ZBTB16: variants seen among roughly 807,000 people sequenced by gnomAD.
The protein encoded by ZBTB16 is zinc finger and BTB domain containing 16, also known as zinc finger and BTB domain-containing protein 16.
ZBTB16 carries 8 observed loss-of-function variants against 56.8 expected under a neutral mutation model. The ratio of observed to expected loss-of-function variants is 0.14; its 90% confidence interval spans 0.08 to 0.25. ZBTB16 has a LOEUF of 0.25. Ranked by LOEUF, ZBTB16 falls within the 10% of genes least tolerant of loss-of-function variation. The pLI is 1.00. For missense variants in ZBTB16, 625 were observed against 903.0 expected (o/e 0.69, Z 3.95); for synonymous variants, 363 against 368.5 (o/e 0.98, Z 0.17).
chr11:114,233,109 ACACACACACACACACACTCTCTCT>A (rs770746520), intron 4 of ZBTB16, among the ~76,000 whole-genome samples: 999 of 43,890 alleles, frequency 0.023, 33 homozygotes, highest in East Asian at 0.2. Context: ...ACACACACAC[ACACACACACACACACACTCTCTCT>A]CTCTCACACT....
intron 2 of ZBTB16, among the ~76,000 whole-genome samples, chr11:114,142,137 A>G (rs59140162): frequency 0.071 from 10,746 of 152,274 alleles, 1,219 homozygotes; most frequent in African/African-American, 0.24. Flanking sequence ...TCTTTGTGGC[A>G]GATGCTCATT....
At chr11:114,228,996 G>A (rs898326627) in intron 4 of ZBTB16, among the ~76,000 whole-genome samples, 10 of 152,168 alleles carry the variant, frequency 6.6e-5, no homozygotes, top group African/African-American at 2.4e-4. Flanking sequence ...GAGTCGGGGA[G>A]CCCTGCAGAG....
intron 2 of ZBTB16, among the ~76,000 whole-genome samples, chr11:114,095,896 T>C (rs1433120468): frequency 6.6e-6 from 1 of 152,160 alleles, no homozygotes; most frequent in Non-Finnish European, 1.5e-5. Flanking sequence ...CAGGGTCCCC[T>C]AGCTTTTTAA....
chr11:114,179,010 G>A (rs1463351080), intron 3 of ZBTB16, among the ~76,000 whole-genome samples: 1 of 152,224 alleles, frequency 6.6e-6, no homozygotes, highest in African/African-American at 2.4e-5. Context: ...ATATTTATGT[G>A]GGGTCCTGTA....
chr11:114,143,066 G>A lies in ZBTB16; in HGVS notation c.1269-13271G>A, dbSNP rs1941998622. ...CCAGCGTTGGTTTCTCTGCTGCCTT[G>A]GTGAGCGTGGGCTTGCTCCCACCTA... On this transcript the variant is annotated intron_variant, in intron 2 of 6. Transcript: ENST00000335953. The surrounding 1 kb of genome is among the most constrained non-coding windows in gnomAD (Gnocchi z 6.4). Among the ~76,000 whole-genome samples the A allele has an allele frequency of 1.3e-5, 2 of 152,174 alleles. No homozygotes were observed. The highest frequency in any genetic ancestry group is 6.5e-5 in the Admixed American group (1 of 15,286).
intron 4 of ZBTB16, among the ~76,000 whole-genome samples, chr11:114,203,123 A>G (rs766840268): frequency 6.6e-6 from 1 of 152,244 alleles, no homozygotes; most frequent in Non-Finnish European, 1.5e-5. Context: ...TAATTTGGCC[A>G]TAAAAAGAGT....
intron 4 of ZBTB16, among the ~76,000 whole-genome samples, chr11:114,203,347 A>T (rs1943778157): frequency 6.6e-6 from 1 of 152,166 alleles, no homozygotes; most frequent in African/African-American, 2.4e-5. Context: ...TTTTGGAGTG[A>T]TGAAGATATT....
chr11:114,242,322 C>G lies in ZBTB16; in HGVS notation c.1609C>G (p.Leu537Val). ...FPSHTALKRH[L>V]RSHTGDHPYE... Reference sequence around the variant, plus strand: ...CAGCCACACGGCTCTCAAACGCCACCTGCGCTCACATACAGGTAGGTCAGT... The same window carrying G: ...CAGCCACACGGCTCTCAAACGCCACGTGCGCTCACATACAGGTAGGTCAGT... Residue 537 changes from leucine (L) to valine (V), a missense_variant, in exon 5 of 7, where the codon CTG becomes GTG. By Grantham distance (32) the Leu-to-Val change is conservative. This residue lies in a region of ZBTB16 where 140 missense variants were observed against 214.8 expected (regional missense o/e 0.65). Coordinates refer to ENST00000335953, the MANE Select transcript of ZBTB16 (RefSeq NM_006006.6). 6.2e-7 allele frequency: 1 copy of G among 1,613,774 alleles called. No homozygotes were observed. Among genetic ancestry groups the G allele is most frequent in the Non-Finnish European group, 8.5e-7 (1 of 1,180,040 alleles).
At chr11:114,238,547 T>G (rs999244474) in intron 4 of ZBTB16, among the ~76,000 whole-genome samples, 2 of 152,058 alleles carry the variant, frequency 1.3e-5, no homozygotes, top group Admixed American at 6.5e-5. Flanking sequence ...CATTCCATTT[T>G]AATTACCTAA....
chr11:114,090,488 C>G (rs1165006860), intron 2 of ZBTB16, among the ~76,000 whole-genome samples: 1 of 152,194 alleles, frequency 6.6e-6, no homozygotes, highest in African/African-American at 2.4e-5. Flanking sequence ...CTCCCTCTCT[C>G]CCCTCTGCTG....
intron 3 of ZBTB16, among the ~76,000 whole-genome samples, chr11:114,186,681 T>C (rs1396481097): frequency 6.6e-6 from 1 of 152,138 alleles, no homozygotes; most frequent in African/African-American, 2.4e-5. Flanking sequence ...TCTTGAGGTA[T>C]CTAACTTGGA....
Position 114,143,253 on chromosome 11 carries a change from A to G in ZBTB16, c.1269-13084A>G, listed in dbSNP as rs538950512. Among the ~76,000 whole-genome samples, 1 of 152,310 alleles carries G rather than the reference A, an allele frequency of 6.6e-6. No homozygotes were observed. The highest frequency in any genetic ancestry group is 2.1e-4 in the South Asian group (1 of 4,818). On this transcript the variant is annotated intron_variant, in intron 2 of 6. Coordinates refer to ENST00000335953, the MANE Select transcript of ZBTB16 (RefSeq NM_006006.6). This position sits in a 1 kb window ranked among gnomAD's most constrained non-coding sequence, Gnocchi z 6.4. ...GCCAAGATGCATCCACCCCTCATCC[A>G]TCCACTAATGCTGTGCCCTTTGCAA...
rs550043949 is a variant in ZBTB16 at position 114,237,552 on chromosome 11, C to T, written c.1454-4615C>T. On this transcript the variant is annotated intron_variant, in intron 4 of 6. Coordinates refer to ENST00000335953, the MANE Select transcript of ZBTB16 (RefSeq NM_006006.6). ...GTGCTGCCGGGCCCCCCTGCCCCGCCGCACATCTCACTGCAGCTAATGAAT... is the reference window on the plus strand; with the variant it reads ...GTGCTGCCGGGCCCCCCTGCCCCGCTGCACATCTCACTGCAGCTAATGAAT... Among the ~76,000 whole-genome samples, 11 of 152,330 alleles carry T rather than the reference C, an allele frequency of 7.2e-5. No individual in the cohort carries two copies. In the East Asian group the frequency reaches 1.2e-3, roughly 16 times the overall value.
In ZBTB16 at chr11:114,251,242, G is replaced by A. The variant is rs1944912787; in HGVS notation, c.*687G>A. 6.6e-6 allele frequency among the ~76,000 whole-genome samples: 1 copy of A among 152,068 alleles called. No individual in the cohort carries two copies. The highest frequency in any genetic ancestry group is 1.5e-5 in the Non-Finnish European group (1 of 68,024). On this transcript the variant is annotated 3_prime_UTR_variant, in exon 7 of 7. Coordinates refer to ENST00000335953, the MANE Select transcript of ZBTB16 (RefSeq NM_006006.6). ...CTTGACTCCTGTCCTCCAAGTCCCA[G>A]GGGAGTCCCAGCCCCTCAGGGACCT...
At chr11:114,151,796 GA>G (rs1239916612) in intron 2 of ZBTB16, among the ~76,000 whole-genome samples, 2 of 152,226 alleles carry the variant, frequency 1.3e-5, no homozygotes, top group Admixed American at 6.5e-5. Flanking sequence ...GCATAGGATG[GA>G]AGTGGGCCGA....
At chr11:114,148,393 T>TCCTTCCTTCCTCCTTCCC in intron 2 of ZBTB16, among the ~76,000 whole-genome samples, 1 of 27,442 alleles carries the variant, frequency 3.6e-5, no homozygotes, top group African/African-American at 1.4e-4. Context: ...TCCTTCCTCC[T>TCCTTCCTTCCTCCTTCCC]TCCCTCCCTC....
chr11:114,066,417 T>C (rs1416360445), intron 2 of ZBTB16, among the ~76,000 whole-genome samples: 1 of 152,206 alleles, frequency 6.6e-6, no homozygotes, highest in African/African-American at 2.4e-5. Flanking sequence ...CAAACTTTCC[T>C]AAAGAGGAAA....
At position 114,250,649 on chromosome 11, in the gene ZBTB16, GA is replaced by G. The variant is rs113522699; in HGVS notation, c.*105del. 4,429 of 990,184 alleles carry G rather than the reference GA, an allele frequency of 4.5e-3. 1 individual carries two copies. Among genetic ancestry groups the G allele is most frequent in the Non-Finnish European group, 5.0e-3 (3,497 of 705,906 alleles). The allele number at this position is 990,184 out of a possible 1,614,324, so 61.3% of individuals were successfully genotyped here. ...GACTATGACAAATAAAAAAGGAAAA[GA>G]AAAAAAAAAACAGAAGGAAAAGGAA... On this transcript the variant is annotated 3_prime_UTR_variant, in exon 7 of 7. Coordinates refer to ENST00000335953, the MANE Select transcript of ZBTB16 (RefSeq NM_006006.6). This position sits in a 1 kb window ranked among gnomAD's most constrained non-coding sequence, Gnocchi z 6.0.
chr11:114,098,250 C>T (rs754578300), intron 2 of ZBTB16, among the ~76,000 whole-genome samples: 2 of 152,142 alleles, frequency 1.3e-5, no homozygotes, highest in Non-Finnish European at 2.9e-5. Flanking sequence ...CCTCTGCCCC[C>T]GTGGTGGTAT....
Sources: allele counts gnomAD v4.1 joint callset (sites outside exome capture counted in the v4.1 genomes callset), GRCh38; gene constraint gnomAD v4.1.1; regional missense constraint gnomAD v4.1.1; non-coding constraint Gnocchi (gnomAD v3.1); transcripts MANE v1.5; gene names NCBI Gene and HGNC (gene_info 2026-07-23, HGNC 2026-07-21).